Variants in OMA1 observed in about 807,000 individuals in gnomAD.
OMA1 encodes the protein OMA1 zinc metallopeptidase.
In OMA1, 38 loss-of-function variants were observed where a neutral mutation model predicts 30.9. The observed-to-expected ratio is 1.23, with a 90% CI of 0.95 to 1.61. The LOEUF (loss-of-function observed/expected upper bound fraction) is 1.61, where lower values mean the gene tolerates loss of function less well. Among genes scored for constraint, OMA1 ranks in the 40% most tolerant of loss-of-function variants. The pLI, the probability that OMA1 is intolerant of heterozygous loss-of-function variation, is 0.00. For synonymous variants in OMA1, 173 were observed against 121.9 expected (o/e 1.42, Z -2.76); for missense variants, 461 against 349.2 (o/e 1.32, Z -2.55).
chr1:58,517,745 G>C (rs138268885), intron 7 of OMA1, among the ~76,000 whole-genome samples: 3 of 152,206 alleles, frequency 2.0e-5, no homozygotes, highest in Admixed American at 1.3e-4. Flanking sequence ...GATCAGAGAA[G>C]AGCTAGCACC....
chr1:58,536,583 GT>G lies in OMA1; in HGVS notation c.658del (p.Thr220GlnfsTer34). On this transcript the variant is annotated frameshift_variant, in exon 3 of 9. Transcript: ENST00000371226. LOFTEE classifies it high-confidence loss of function. ...YFTHLEVSPI[T>X]GRSKLLLLGK... ...CAATAATAGTAGCTTGCTCCTTCCTGTGATTGGACTTACTTCCAGGTGAGTA... is the reference window on the plus strand; with the variant it reads ...CAATAATAGTAGCTTGCTCCTTCCTGGATTGGACTTACTTCCAGGTGAGTA... The G allele has an allele frequency of 1.1e-6, 1 of 872,802 alleles. No individual in the cohort carries two copies. Among genetic ancestry groups the G allele is most frequent in the South Asian group, 1.3e-5 (1 of 76,532 alleles). The allele number at this position is 872,802 out of a possible 1,614,324, so 54.1% of individuals were successfully genotyped here.
At chr1:58,535,339 A>T (rs1485443299) in intron 3 of OMA1, among the ~76,000 whole-genome samples, 3 of 152,170 alleles carry the variant, frequency 2.0e-5, no homozygotes, top group African/African-American at 7.2e-5. Context: ...ATGGTGGCTC[A>T]TGCCTGTAAT....
intron 3 of OMA1, among the ~76,000 whole-genome samples, chr1:58,535,970 G>A (rs1646510196): frequency 6.9e-6 from 1 of 144,218 alleles, no homozygotes; most frequent in Non-Finnish European, 1.5e-5. Flanking sequence ...TACATACTGT[G>A]TTAGTATTTA....
At position 58,539,254 on chromosome 1, in the gene OMA1, T is replaced by A. The variant is rs1372088264; in HGVS notation, c.41A>T (p.His14Leu). Residue 14 changes from histidine to leucine, a missense_variant, in exon 2 of 9, where the codon CAT becomes CTT. Transcript: ENST00000371226. Reference sequence around the variant, plus strand: ...CAGTGAATTAAATCGGAAGAAAACATGGTTTCTAGCAGCAGACTGCAATCC... The same window carrying A: ...CAGTGAATTAAATCGGAAGAAAACAAGGTTTCTAGCAGCAGACTGCAATCC... ...ICGLQSAARNHVFFRFNSLSN... is the reference protein window; with the variant it reads ...ICGLQSAARNLVFFRFNSLSN... 2 of 869,334 alleles carry A rather than the reference T, an allele frequency of 2.3e-6. No individual in the cohort carries two copies. The highest frequency in any genetic ancestry group is 4.0e-6 in the Non-Finnish European group (2 of 500,778). The allele number at this position is 869,334 out of a possible 1,614,324, so 53.9% of individuals were successfully genotyped here. A position where few individuals can be genotyped will look rare whatever the true frequency, so the allele number is the denominator to read the frequency against.
At chr1:58,493,836 T>G (rs1225551848) in intron 8 of OMA1, among the ~76,000 whole-genome samples, 5 of 151,916 alleles carry the variant, frequency 3.3e-5, no homozygotes, top group Non-Finnish European at 7.4e-5. Flanking sequence ...AAAATGGCCA[T>G]ACTGCCCAAG....
intron 1 of OMA1, among the ~76,000 whole-genome samples, chr1:58,543,154 AC>A (rs1255806663): frequency 6.6e-6 from 1 of 152,212 alleles, no homozygotes; most frequent in African/African-American, 2.4e-5. Flanking sequence ...ATGAGCTTTT[AC>A]TTTATCCCCA....
At chr1:58,482,115 A>G (rs1185846085) in intron 8 of OMA1, among the ~76,000 whole-genome samples, 1 of 152,248 alleles carries the variant, frequency 6.6e-6, no homozygotes, top group Non-Finnish European at 1.5e-5. Context: ...AGTTTAAAAT[A>G]CCAAATCTTG....
intron 8 of OMA1, among the ~76,000 whole-genome samples, chr1:58,489,042 A>G (rs1483689962): frequency 1.3e-5 from 2 of 152,206 alleles, no homozygotes; most frequent in Non-Finnish European, 2.9e-5. Flanking sequence ...CGATTTCTCC[A>G]TTTCCAACTG....
At chr1:58,485,124 G>C (rs1177898097) in intron 8 of OMA1, among the ~76,000 whole-genome samples, 1 of 150,904 alleles carries the variant, frequency 6.6e-6, no homozygotes, top group African/African-American at 2.4e-5. Context: ...TGATGGTATG[G>C]GAGGCTGTGA....
chr1:58,501,845 G>T (rs532717985), intron 8 of OMA1, among the ~76,000 whole-genome samples: 2 of 152,116 alleles, frequency 1.3e-5, no homozygotes, highest in South Asian at 4.2e-4. Flanking sequence ...GTTTAATGAG[G>T]TCTGAAGGGT....
intron 5 of OMA1, among the ~76,000 whole-genome samples, chr1:58,531,480 T>A (rs1220344336): frequency 6.6e-6 from 1 of 152,214 alleles, no homozygotes; most frequent in Admixed American, 6.5e-5. Context: ...AACTAGATTG[T>A]TCATGGTTTG....
chr1:58,497,276 G>C (rs558210126), intron 8 of OMA1, among the ~76,000 whole-genome samples: 1 of 152,218 alleles, frequency 6.6e-6, no homozygotes, highest in South Asian at 2.1e-4. Context: ...GGACTTTAGG[G>C]ACGTAAGGAC....
intron 8 of OMA1, among the ~76,000 whole-genome samples, chr1:58,487,597 T>C (rs1037238390): frequency 1.3e-5 from 2 of 152,216 alleles, no homozygotes; most frequent in Non-Finnish European, 2.9e-5. Flanking sequence ...CCATCAGGGC[T>C]AGGCGTCCTT....
At chr1:58,504,379 T>C (rs1220718311) in intron 8 of OMA1, among the ~76,000 whole-genome samples, 1 of 152,154 alleles carries the variant, frequency 6.6e-6, no homozygotes, top group Non-Finnish European at 1.5e-5. Flanking sequence ...AGGCTCTCTC[T>C]CCCTCCACAC....
chr1:58,544,305 G>A (rs914731050), intron 1 of OMA1, among the ~76,000 whole-genome samples: 10 of 152,022 alleles, frequency 6.6e-5, no homozygotes, highest in Admixed American at 1.3e-4. Context: ...CCCACTAAAT[G>A]CTAGGCACCA....
At chr1:58,531,378 G>A (rs1646431500) in intron 5 of OMA1, among the ~76,000 whole-genome samples, 1 of 152,052 alleles carries the variant, frequency 6.6e-6, no homozygotes, top group Non-Finnish European at 1.5e-5. Context: ...GAAAGAATCA[G>A]GTTCTATGAA....
At chr1:58,545,877 A>AC (rs2100508876) in intron 1 of OMA1, among the ~76,000 whole-genome samples, 1 of 152,314 alleles carries the variant, frequency 6.6e-6, no homozygotes, top group African/African-American at 2.4e-5. Flanking sequence ...AAAGAATTGG[A>AC]CGGCAGCAGA....
At chr1:58,495,441 T>C (rs1293169413) in intron 8 of OMA1, among the ~76,000 whole-genome samples, 2 of 152,006 alleles carry the variant, frequency 1.3e-5, no homozygotes, top group Non-Finnish European at 2.9e-5. Flanking sequence ...TACATTCCTT[T>C]TTTTAGGATT....
At chr1:58,487,766 T>A (rs1048411850) in intron 8 of OMA1, among the ~76,000 whole-genome samples, 16 of 152,278 alleles carry the variant, frequency 1.1e-4, no homozygotes, top group African/African-American at 2.9e-4. Context: ...CCTAGCTGCA[T>A]CCACTCTAGC....
Sources: gnomAD v4.1 joint callset for allele counts (sites outside exome capture counted in the v4.1 genomes callset) on GRCh38, gnomAD v4.1.1 for gene constraint, MANE v1.5 for transcripts, NCBI Gene and HGNC (gene_info 2026-07-23, HGNC 2026-07-21) for gene names.